PIP5K1B: variants seen among roughly 807,000 people sequenced by gnomAD.
The protein encoded by PIP5K1B is phosphatidylinositol 4-phosphate 5-kinase type-1 beta.
Under a neutral mutation model 67.0 loss-of-function variants are expected in PIP5K1B, and 42 were observed. That is an observed-to-expected ratio of 0.63 (90% CI 0.49 to 0.81). PIP5K1B has a LOEUF of 0.81. Ranked by LOEUF, PIP5K1B falls within the 30% of genes least tolerant of loss-of-function variation. PIP5K1B has a pLI of 0.00. For synonymous variants in PIP5K1B, 214 were observed against 231.4 expected (o/e 0.92, Z 0.68); for missense variants, 459 against 646.3 (o/e 0.71, Z 3.14).
In PIP5K1B at chr9:68,732,919, G is replaced by C. The variant is rs568574533; in HGVS notation, c.-242-9582G>C. Among the ~76,000 whole-genome samples, 7 of 150,702 alleles carry C rather than the reference G, an allele frequency of 4.6e-5. No individual in the cohort carries two copies. In the East Asian group the frequency reaches 5.8e-4, roughly 13 times the overall value. Reference sequence around the variant, plus strand: ...TGCTGGTGATGTGGAGGTGGGTTGGGGGGGGGGCGGCGCGGTGGGAGATGA... The same window carrying C: ...TGCTGGTGATGTGGAGGTGGGTTGGCGGGGGGGCGGCGCGGTGGGAGATGA... On this transcript the variant is annotated intron_variant, in intron 1 of 15. Transcript: ENST00000265382.
chr9:68,784,709 A>G (rs1831513657), intron 2 of PIP5K1B: 1 of 159,260 alleles, frequency 6.3e-6, no homozygotes, highest in Non-Finnish European at 1.5e-5. Flanking sequence ...TTGCCAGACA[A>G]TTGAACCAAG....
chr9:68,838,169 G>C, intron 4 of PIP5K1B, among the ~76,000 whole-genome samples: 1 of 150,664 alleles, frequency 6.6e-6, no homozygotes. Context: ...TTTGTAAACT[G>C]ACAACCTGTT....
chr9:68,851,668 A>G (rs937874497), intron 4 of PIP5K1B, among the ~76,000 whole-genome samples: 1 of 152,252 alleles, frequency 6.6e-6, no homozygotes, highest in African/African-American at 2.4e-5. Flanking sequence ...GGAAAAGGAC[A>G]GCATGGAAAG....
intron 14 of PIP5K1B, among the ~76,000 whole-genome samples, chr9:68,956,500 G>A (rs1828401718): frequency 6.6e-6 from 1 of 152,084 alleles, no homozygotes; most frequent in African/African-American, 2.4e-5. Context: ...TTCTATGTTT[G>A]GATCTCATGA....
intron 2 of PIP5K1B, among the ~76,000 whole-genome samples, chr9:68,795,231 T>C (rs1386514051): frequency 6.6e-6 from 1 of 152,134 alleles, no homozygotes; most frequent in Non-Finnish European, 1.5e-5. Context: ...TAGAACTACA[T>C]TCCACACCTA....
chr9:68,906,451 C>T (rs1825615913), intron 8 of PIP5K1B, among the ~76,000 whole-genome samples: 1 of 152,138 alleles, frequency 6.6e-6, no homozygotes, highest in Non-Finnish European at 1.5e-5. Context: ...ATGAAATGGC[C>T]AAGGACAATC....
intron 1 of PIP5K1B, among the ~76,000 whole-genome samples, chr9:68,720,315 T>C (rs748302637): frequency 3.9e-5 from 6 of 152,188 alleles, no homozygotes; most frequent in Non-Finnish European, 7.4e-5. Context: ...TGTCTCTTGC[T>C]TTTTGCACCT....
intron 15 of PIP5K1B, among the ~76,000 whole-genome samples, chr9:68,993,516 AT>A (rs567492162): frequency 6.6e-6 from 1 of 152,106 alleles, no homozygotes; most frequent in African/African-American, 2.4e-5. Context: ...GCATAAACAA[AT>A]TTTTTTGCAC....
At chr9:68,750,358 C>G (rs544344143) in intron 2 of PIP5K1B, among the ~76,000 whole-genome samples, 2 of 152,190 alleles carry the variant, frequency 1.3e-5, no homozygotes, top group Non-Finnish European at 2.9e-5. Flanking sequence ...TTATATAATT[C>G]CCTGGATAAG....
chr9:68,942,610 A>T (rs908048143), intron 14 of PIP5K1B, among the ~76,000 whole-genome samples: 1 of 152,050 alleles, frequency 6.6e-6, no homozygotes, highest in Non-Finnish European at 1.5e-5. Context: ...CTACCTCTGC[A>T]TGTTCCACCT....
intron 14 of PIP5K1B, among the ~76,000 whole-genome samples, chr9:68,977,162 A>C (rs577244062): frequency 1.3e-5 from 2 of 152,372 alleles, no homozygotes; most frequent in South Asian, 4.1e-4. Flanking sequence ...ACTCTGCCAC[A>C]TATGAACAGT....
intron 2 of PIP5K1B, among the ~76,000 whole-genome samples, chr9:68,817,250 A>G (rs1833491178): frequency 6.6e-6 from 1 of 152,248 alleles, no homozygotes; most frequent in African/African-American, 2.4e-5. Context: ...CAGTGTGTCA[A>G]TAAGCAGGCA....
intron 4 of PIP5K1B, among the ~76,000 whole-genome samples, chr9:68,860,961 G>T (rs113757628): frequency 6.6e-5 from 10 of 152,252 alleles, no homozygotes; most frequent in African/African-American, 2.4e-4. Flanking sequence ...AGGATAAAAG[G>T]CTTAATATAA....
intron 6 of PIP5K1B, among the ~76,000 whole-genome samples, chr9:68,881,484 T>C (rs946065336): frequency 2.6e-5 from 4 of 152,216 alleles, no homozygotes; most frequent in African/African-American, 9.6e-5. Context: ...GTGAGTTAAG[T>C]TGGAGGTGTG....
intron 15 of PIP5K1B, among the ~76,000 whole-genome samples, chr9:69,004,347 G>A (rs1433783790): frequency 1.3e-5 from 2 of 150,948 alleles, no homozygotes; most frequent in African/African-American, 4.9e-5. Context: ...TTGTGTGTGT[G>A]TGTGTGTGTG....
At chr9:69,007,022 A>G (rs1009830989) in intron 15 of PIP5K1B, among the ~76,000 whole-genome samples, 4 of 152,184 alleles carry the variant, frequency 2.6e-5, no homozygotes, top group Non-Finnish European at 2.9e-5. Flanking sequence ...GCTATAGCTT[A>G]TAGCACCTTA....
chr9:68,735,820 T>A (rs1828710062), intron 1 of PIP5K1B, among the ~76,000 whole-genome samples: 1 of 152,172 alleles, frequency 6.6e-6, no homozygotes, highest in East Asian at 1.9e-4. Flanking sequence ...AAAGCCCCAT[T>A]GCTAAGGTGG....
intron 2 of PIP5K1B, among the ~76,000 whole-genome samples, chr9:68,768,106 C>T (rs1299081623): frequency 6.6e-6 from 1 of 152,142 alleles, no homozygotes; most frequent in East Asian, 1.9e-4. Flanking sequence ...AAATAATAGA[C>T]ATAAATATTG....
intron 13 of PIP5K1B, among the ~76,000 whole-genome samples, chr9:68,938,242 T>A (rs1427619720): frequency 1.3e-5 from 2 of 152,228 alleles, no homozygotes. Context: ...TAAGTCTCTT[T>A]GTAGGTCTCT....
Sources: gnomAD v4.1 joint callset for allele counts (sites outside exome capture counted in the v4.1 genomes callset) on GRCh38, gnomAD v4.1.1 for gene constraint, MANE v1.5 for transcripts, NCBI Gene and HGNC (gene_info 2026-07-23, HGNC 2026-07-21) for gene names.